Variants in COL25A1 observed in about 807,000 individuals in gnomAD.
COL25A1 encodes the protein collagen type XXV alpha 1 chain.
A neutral mutation model predicts 128.4 loss-of-function variants in COL25A1; 103 were observed. The ratio of observed to expected loss-of-function variants is 0.80; its 90% CI spans 0.68 to 0.94. The LOEUF is 0.94. Among genes scored for constraint, COL25A1 ranks in the 40% least tolerant of loss-of-function variants. The pLI, the probability that COL25A1 is intolerant of heterozygous loss-of-function variation, is 0.00. For synonymous variants in COL25A1, 279 were observed against 277.2 expected (o/e 1.01, Z -0.06); for missense variants, 745 against 840.0 (o/e 0.89, Z 1.40).
At chr4:109,243,921 G>A (rs981702579) in intron 3 of COL25A1, among the ~76,000 whole-genome samples, 1 of 152,030 alleles carries the variant, frequency 6.6e-6, no homozygotes, top group Non-Finnish European at 1.5e-5. Flanking sequence ...TGTTGAGCAT[G>A]TAGAATTACT....
At chr4:109,070,604 G>A (rs1187626853) in intron 3 of COL25A1, among the ~76,000 whole-genome samples, 1 of 151,772 alleles carries the variant, frequency 6.6e-6, no homozygotes, top group Non-Finnish European at 1.5e-5. Flanking sequence ...TGTTACATAT[G>A]TATACATGTG....
intron 8 of COL25A1, among the ~76,000 whole-genome samples, chr4:108,952,831 C>CTTTTTTTTTTTTTT (rs59761040): frequency 7.5e-5 from 5 of 66,984 alleles, no homozygotes; most frequent in Admixed American, 2.1e-4. Flanking sequence ...AAAAACTCAA[C>CTTTTTTTTTTTTTT]TTTTTTTTTT....
chr4:108,911,541 G>A (rs1218254236), intron 13 of COL25A1, among the ~76,000 whole-genome samples: 2 of 152,198 alleles, frequency 1.3e-5, no homozygotes, highest in East Asian at 3.8e-4. Context: ...TAAACTCAGT[G>A]TTCAGTTGGT....
At chr4:108,826,833 T>C (rs1330444138) in intron 33 of COL25A1, among the ~76,000 whole-genome samples, 2 of 150,650 alleles carry the variant, frequency 1.3e-5, no homozygotes, top group African/African-American at 4.9e-5. Context: ...TCAGATGATG[T>C]AGGGAGGGCA....
intron 8 of COL25A1, among the ~76,000 whole-genome samples, chr4:108,967,024 C>T (rs1053539004): frequency 3.9e-5 from 6 of 152,078 alleles, no homozygotes; most frequent in African/African-American, 1.4e-4. Flanking sequence ...CATTACTTTA[C>T]AGGATAAATG....
chr4:108,854,665 C>A (rs1190027743), intron 24 of COL25A1, among the ~76,000 whole-genome samples: 1 of 152,044 alleles, frequency 6.6e-6, no homozygotes, highest in Non-Finnish European at 1.5e-5. Context: ...CAATGAGATA[C>A]CATCTCATGC....
chr4:109,022,987 A>G (rs1648040), intron 5 of COL25A1, among the ~76,000 whole-genome samples: 76,745 of 151,566 alleles, frequency 0.51, 22,073 homozygotes, highest in African/African-American at 0.77. Context: ...AGCACCATAC[A>G]CTTCCTGTTT....
At chr4:108,990,652 C>T (rs1754146102) in intron 6 of COL25A1, among the ~76,000 whole-genome samples, 1 of 152,100 alleles carries the variant, frequency 6.6e-6, no homozygotes, top group Non-Finnish European at 1.5e-5. Context: ...CATTATGGCT[C>T]TATCTCAGTA....
intron 3 of COL25A1, among the ~76,000 whole-genome samples, chr4:109,289,427 T>TC (rs1341669205): frequency 6.6e-6 from 1 of 152,172 alleles, no homozygotes; most frequent in East Asian, 1.9e-4. Flanking sequence ...CTCATAATTT[T>TC]CTTTTTTGAA....
intron 3 of COL25A1, among the ~76,000 whole-genome samples, chr4:109,242,437 A>T (rs974996709): frequency 6.6e-6 from 1 of 152,096 alleles, no homozygotes; most frequent in Non-Finnish European, 1.5e-5. Flanking sequence ...TGAGGGGATG[A>T]GGTTGAAGGT....
intron 6 of COL25A1, among the ~76,000 whole-genome samples, chr4:108,982,973 A>G (rs1753154820): frequency 6.6e-6 from 1 of 152,236 alleles, no homozygotes; most frequent in Non-Finnish European, 1.5e-5. Context: ...AAGGACTCTC[A>G]AAAGTAAGAC....
At chr4:108,924,607 C>A (rs1301229862) in intron 11 of COL25A1, among the ~76,000 whole-genome samples, 3 of 152,102 alleles carry the variant, frequency 2.0e-5, no homozygotes, top group African/African-American at 7.2e-5. Flanking sequence ...CCTGTTAAAC[C>A]CATTTCTTGC....
At chr4:109,127,483 T>TTTTA (rs1163280416) in intron 3 of COL25A1, among the ~76,000 whole-genome samples, 1 of 152,074 alleles carries the variant, frequency 6.6e-6, no homozygotes, top group African/African-American at 2.4e-5. Flanking sequence ...AGTTACTTTC[T>TTTTA]TTTATTTATT....
In COL25A1 at chr4:109,162,664, A is replaced by C. The variant is rs558577499; in HGVS notation, c.368-112485T>G. Among the ~76,000 whole-genome samples, 165 of 152,304 alleles carry C rather than the reference A, an allele frequency of 1.1e-3. 1 individual carries two copies. The highest frequency in any genetic ancestry group is 3.8e-3 in the African/African-American group (160 of 41,578). ...TAGTATGGGAGCTATAGAAATAAGA[A>C]TGAGTGTGACTAACATGAATTAGAT... On this transcript the variant is annotated intron_variant, in intron 3 of 37. Coordinates refer to ENST00000399132, the MANE Select transcript of COL25A1 (RefSeq NM_198721.4).
intron 3 of COL25A1, among the ~76,000 whole-genome samples, chr4:109,060,511 A>G (rs1459962875): frequency 2.6e-5 from 4 of 152,092 alleles, no homozygotes; most frequent in Non-Finnish European, 5.9e-5. Flanking sequence ...ATTTTTGTGA[A>G]CATGTTAGCA....
At chr4:108,838,430 T>C (rs1734057236) in intron 31 of COL25A1, among the ~76,000 whole-genome samples, 1 of 152,210 alleles carries the variant, frequency 6.6e-6, no homozygotes, top group Non-Finnish European at 1.5e-5. Flanking sequence ...TATGGTTGAA[T>C]TCCTAAATTT....
intron 3 of COL25A1, among the ~76,000 whole-genome samples, chr4:109,091,413 GACA>G (rs1445426016): frequency 6.6e-6 from 1 of 152,040 alleles, no homozygotes; most frequent in Non-Finnish European, 1.5e-5. Flanking sequence ...TCAAAACCAC[GACA>G]ACAATTGTCT....
At chr4:109,104,584 G>A (rs1766229130) in intron 3 of COL25A1, among the ~76,000 whole-genome samples, 1 of 139,822 alleles carries the variant, frequency 7.2e-6, no homozygotes, top group Non-Finnish European at 1.5e-5. Flanking sequence ...TTTTGACTAA[G>A]CCTCTAACTC....
chr4:108,908,034 C>T (rs569860505), intron 13 of COL25A1, among the ~76,000 whole-genome samples: 1 of 152,272 alleles, frequency 6.6e-6, no homozygotes, highest in East Asian at 1.9e-4. Context: ...GTTGTTGCTG[C>T]TCTTGTTGTT....
Sources: gnomAD v4.1 joint callset for allele counts (sites outside exome capture counted in the v4.1 genomes callset) on GRCh38, gnomAD v4.1.1 for gene constraint, MANE v1.5 for transcripts, NCBI Gene and HGNC (gene_info 2026-07-23, HGNC 2026-07-21) for gene names.